Variants in PRDM16 observed in about 807,000 individuals in gnomAD.
The protein encoded by PRDM16 is histone-lysine N-methyltransferase PRDM16.
In PRDM16, 23 loss-of-function variants were observed where a neutral mutation model predicts 110.6. That is an observed-to-expected ratio of 0.21 (90% CI 0.15 to 0.29). The LOEUF (loss-of-function observed/expected upper bound fraction) is 0.29. PRDM16 is among the 10% of genes least tolerant of loss of function. The pLI is 1.00. For synonymous variants in PRDM16, 799 were observed against 781.8 expected (o/e 1.02, Z -0.37); for missense variants, 1,615 against 1,794.3 (o/e 0.90, Z 1.81).
intron 12 of PRDM16, among the ~76,000 whole-genome samples, chr1:3,423,432 C>T (rs1009608253): frequency 2.6e-5 from 4 of 152,130 alleles, no homozygotes; most frequent in African/African-American, 4.8e-5. Context: ...CAGACTCCCT[C>T]GCCAGGCTTT....
chr1:3,221,856 C>T (rs1052596412), intron 2 of PRDM16, among the ~76,000 whole-genome samples: 2 of 152,284 alleles, frequency 1.3e-5, no homozygotes, highest in Non-Finnish European at 2.9e-5. Flanking sequence ...TATACAATTT[C>T]CTCATGGAGA....
chr1:3,314,071 C>CCGGGGGGGG, intron 3 of PRDM16, among the ~76,000 whole-genome samples: 1 of 100,662 alleles, frequency 9.9e-6, no homozygotes, highest in South Asian at 2.9e-4. Flanking sequence ...CCTTCCCCAC[C>CCGGGGGGGG]GGGGGGGGGG....
intron 1 of PRDM16, among the ~76,000 whole-genome samples, chr1:3,167,156 C>T (rs927597074): frequency 3.9e-5 from 6 of 152,124 alleles, no homozygotes; most frequent in African/African-American, 1.2e-4. Flanking sequence ...CCTGAGAAAG[C>T]GATTTTTCCA....
At chr1:3,260,130 A>T (rs887513815) in intron 3 of PRDM16, among the ~76,000 whole-genome samples, 17 of 152,326 alleles carry the variant, frequency 1.1e-4, no homozygotes, top group Admixed American at 7.8e-4. Flanking sequence ...TTTGCTTTTC[A>T]AACAGCTTTA....
chr1:3,202,256 G>GGACCAGGACGTCAGATGTCAGCTGCA (rs2100830048), intron 2 of PRDM16, among the ~76,000 whole-genome samples: 1 of 152,238 alleles, frequency 6.6e-6, no homozygotes, highest in East Asian at 1.9e-4. Flanking sequence ...GGAGCAGCTG[G>GGACCAGGACGTCAGATGTCAGCTGCA]GACCAGGACG....
Position 3,244,030 on chromosome 1 carries a change from T to C in PRDM16, c.388-57T>C. On this transcript the variant is annotated intron_variant, in intron 2 of 16. Transcript: ENST00000270722. The surrounding 1 kb of genome is among the most constrained non-coding windows in gnomAD (Gnocchi z 4.1). ...TCTGCCCCCACCATTTAGAACCCAG[T>C]GTAGCTTGAGAATGTTTTATCAGAA... The C allele has an allele frequency of 1.9e-6, 3 of 1,564,862 alleles. No homozygotes were observed. The highest frequency in any genetic ancestry group is 2.6e-6 in the Non-Finnish European group (3 of 1,135,226).
intron 2 of PRDM16, among the ~76,000 whole-genome samples, chr1:3,204,927 C>T (rs889222006): frequency 2.0e-5 from 3 of 152,178 alleles, no homozygotes; most frequent in South Asian, 2.1e-4. Context: ...CAATGTGCTC[C>T]GAACGGGGAG....
rs1638929805 is a variant in PRDM16 at position 3,437,145 on chromosome 1, G to GC, written c.*3335dup. 4.3e-6 allele frequency: 1 copy of GC among 231,718 alleles called. No individual in the cohort carries two copies. The highest frequency in any genetic ancestry group is 8.5e-6 in the Non-Finnish European group (1 of 117,218). The allele number at this position is 231,718 out of a possible 1,614,324, so 14.4% of individuals were successfully genotyped here. A position where few individuals can be genotyped will look rare whatever the true frequency, so the allele number is the denominator to read the frequency against. ...CCTGCCTGGGGCCCTGGGGTGTGGA[G>GC]CAGTGGCTGGGGTGGGCGTGGTGTG... On this transcript the variant is annotated 3_prime_UTR_variant, in exon 17 of 17. Transcript: ENST00000270722.
chr1:3,096,481 G>A (rs576796587), intron 1 of PRDM16, among the ~76,000 whole-genome samples: 1 of 152,336 alleles, frequency 6.6e-6, no homozygotes, highest in African/African-American at 2.4e-5. Flanking sequence ...GAGAGGGTCT[G>A]TGTTTCGAAT....
At chr1:3,200,181 C>G (rs1222674697) in intron 2 of PRDM16, among the ~76,000 whole-genome samples, 1 of 152,248 alleles carries the variant, frequency 6.6e-6, no homozygotes, top group East Asian at 1.9e-4. Flanking sequence ...AGACTCTCCT[C>G]ACAGCCGCTG....
At chr1:3,086,739 G>T (rs894396484) in intron 1 of PRDM16, among the ~76,000 whole-genome samples, 2 of 152,186 alleles carry the variant, frequency 1.3e-5, no homozygotes, top group African/African-American at 4.8e-5. Flanking sequence ...GCTAACGAGT[G>T]GTTCTTGGCG....
intron 2 of PRDM16, among the ~76,000 whole-genome samples, chr1:3,212,666 C>T (rs1638922964): frequency 1.3e-5 from 2 of 152,232 alleles, no homozygotes; most frequent in South Asian, 2.1e-4. Context: ...TCCTCCCGCT[C>T]ATCCTCCCGG....
At position 3,157,423 on chromosome 1, in the gene PRDM16, A is replaced by T. The variant is rs939000323; in HGVS notation, c.38-28702A>T. On this transcript the variant is annotated intron_variant, in intron 1 of 16. Coordinates refer to ENST00000270722, the MANE Select transcript of PRDM16 (RefSeq NM_022114.4). The surrounding 1 kb of genome is among the most constrained non-coding windows in gnomAD (Gnocchi z 4.8). ...CTCCCAGGCCTTTTGCGATCCCATT[A>T]AAAAAAAAAAAAAAAAAAACACCTT... Among the ~76,000 whole-genome samples the T allele has an allele frequency of 9.4e-4, 24 of 25,454 alleles. No homozygotes were observed. The East Asian group carries it at 0.012, about 13-fold the overall frequency. 16.7% of individuals were successfully genotyped at this position (25,454 alleles called of 152,430 possible). A position where few individuals can be genotyped will look rare whatever the true frequency, so the allele number is the denominator to read the frequency against.
At position 3,381,329 on chromosome 1, in the gene PRDM16, T is replaced by C. The variant is rs570851539; in HGVS notation, c.439-3823T>C. ...AAAATAGTGGGACACGGATTGTTTT[T>C]CCAGGGATTTATTGGGGAGAGCCCC... On this transcript the variant is annotated intron_variant, in intron 3 of 16. Coordinates refer to ENST00000270722, the MANE Select transcript of PRDM16 (RefSeq NM_022114.4). Among the ~76,000 whole-genome samples the C allele has an allele frequency of 2.6e-5, 4 of 151,706 alleles. No individual in the cohort carries two copies. In the South Asian group the frequency reaches 8.3e-4, roughly 32 times the overall value.
chr1:3,410,069 TATGTGC>T (rs1410390705), intron 8 of PRDM16, among the ~76,000 whole-genome samples: 4 of 142,812 alleles, frequency 2.8e-5, no homozygotes, highest in Non-Finnish European at 6.1e-5. Context: ...TGTGGTTGTG[TATGTGC>T]ATGTGTATGA....
chr1:3,233,050 G>T (rs900078252), intron 2 of PRDM16, among the ~76,000 whole-genome samples: 4 of 152,204 alleles, frequency 2.6e-5, no homozygotes, highest in African/African-American at 9.6e-5. Context: ...TGAGATAAAA[G>T]ATAAATGTTT....
chr1:3,427,094 A>G (rs933840855), intron 14 of PRDM16, among the ~76,000 whole-genome samples: 3 of 152,248 alleles, frequency 2.0e-5, no homozygotes, highest in Non-Finnish European at 4.4e-5. Context: ...ATGTACACGC[A>G]TGGGCGCACG....
intron 3 of PRDM16, among the ~76,000 whole-genome samples, chr1:3,342,236 A>T (rs1642287034): frequency 6.6e-6 from 1 of 152,220 alleles, no homozygotes; most frequent in Admixed American, 6.5e-5. Flanking sequence ...ATGAATGAAC[A>T]TATTCCTAAG....
chr1:3,088,442 T>G (rs1642198832), intron 1 of PRDM16, among the ~76,000 whole-genome samples: 2 of 140,472 alleles, frequency 1.4e-5, no homozygotes, highest in South Asian at 2.2e-4. Context: ...ATGCAGGGAT[T>G]CTTTTATTAT....
Sources: allele counts gnomAD v4.1 joint callset (sites outside exome capture counted in the v4.1 genomes callset), GRCh38; gene constraint gnomAD v4.1.1; non-coding constraint Gnocchi (gnomAD v3.1); transcripts MANE v1.5; gene names NCBI Gene and HGNC (gene_info 2026-07-23, HGNC 2026-07-21).